CENPH: variants seen among roughly 807,000 people sequenced by gnomAD.
CENPH encodes the protein centromere protein H.
In CENPH, 40 loss-of-function variants were observed where a neutral mutation model predicts 42.9. That is an observed-to-expected ratio of 0.93 (90% CI 0.72 to 1.21). The LOEUF (loss-of-function observed/expected upper bound fraction) is 1.21. Ranked by LOEUF, CENPH falls within the 50% of genes most tolerant of loss-of-function variation. The pLI, the probability that CENPH is intolerant of heterozygous loss-of-function variation, is 0.00. For missense variants in CENPH, 302 were observed against 292.9 expected, an observed-to-expected ratio of 1.03 and a Z score of -0.23; for synonymous variants, 88 against 96.5, an observed-to-expected ratio of 0.91 and a Z score of 0.52.
chr5:69,197,800 A>C (rs1032823483), intron 5 of CENPH, among the ~76,000 whole-genome samples: 4 of 151,396 alleles, frequency 2.6e-5, no homozygotes, highest in Non-Finnish European at 5.9e-5. Context: ...CTTAAAGTAT[A>C]ATAATAATAA....
chr5:69,193,409 G>A (rs970460309), intron 2 of CENPH, among the ~76,000 whole-genome samples: 16 of 151,794 alleles, frequency 1.1e-4, no homozygotes, highest in African/African-American at 3.9e-4. Flanking sequence ...CAAGGCGAGA[G>A]GATTGCTTGA....
intron 5 of CENPH, among the ~76,000 whole-genome samples, chr5:69,198,344 C>T (rs1326702512): frequency 6.6e-6 from 1 of 151,806 alleles, no homozygotes; most frequent in African/African-American, 2.4e-5. Context: ...TGCTCTGTCA[C>T]TCAGACTGGA....
chr5:69,199,482 AG>A (rs1748024008), intron 5 of CENPH, among the ~76,000 whole-genome samples: 3 of 152,118 alleles, frequency 2.0e-5, no homozygotes, highest in Admixed American at 2.0e-4. Context: ...TGCCAAATTA[AG>A]GGTTTATATA....
intron 4 of CENPH, 41 bp from the exon 5 acceptor site, chr5:69,197,012 G>A (rs1484873113): frequency 2.2e-6 from 3 of 1,336,570 alleles, no homozygotes; most frequent in Non-Finnish European, 1.0e-6. Flanking sequence ...TACCACAAAT[G>A]TTATCCATGT....
At chr5:69,203,168 G>GTTTTTTGTTTGCTT (rs1748085214) in intron 7 of CENPH, among the ~76,000 whole-genome samples, 198 bp downstream of exon 7, 1 of 151,824 alleles carries the variant, frequency 6.6e-6, no homozygotes, top group Non-Finnish European at 1.5e-5. Flanking sequence ...CTTTATTTTC[G>GTTTTTTGTTTGCTT]TTTTTTGTTT....
At chr5:69,208,890 G>T (rs527829394) in intron 8 of CENPH, among the ~76,000 whole-genome samples, 4 of 151,962 alleles carry the variant, frequency 2.6e-5, no homozygotes, top group Admixed American at 6.6e-5. Flanking sequence ...CTCCTCCTGG[G>T]TTCAAGCGAT....
rs566732255 is a variant in CENPH, at chr5:69,202,796, T to C, written c.436-123T>C. ...CTGTCTTCCTTTTGCTGTCTGGAAA[T>C]AGAGGAATTGAAAACTGGAACTTTA... On this transcript the variant is annotated intron_variant, in intron 6 of 8. Coordinates refer to ENST00000283006, the MANE Select transcript of CENPH (RefSeq NM_022909.4). 4.5e-6 allele frequency: 3 copies of C among 659,648 alleles called. No homozygotes were observed. The South Asian group carries it at 6.3e-5, about 14-fold the overall frequency. The allele number at this position is 659,648 out of a possible 1,614,324, so 40.9% of individuals were successfully genotyped here.
intron 5 of CENPH, among the ~76,000 whole-genome samples, chr5:69,201,935 G>A (rs1748066240): frequency 6.6e-6 from 1 of 152,168 alleles, no homozygotes; most frequent in Non-Finnish European, 1.5e-5. Context: ...ACAATGATGT[G>A]TCGATATAGG....
chr5:69,207,323 G>C (rs1370730715), intron 7 of CENPH, among the ~76,000 whole-genome samples: 5 of 151,470 alleles, frequency 3.3e-5, no homozygotes, highest in Non-Finnish European at 1.5e-5. Flanking sequence ...TGAGTAGCTG[G>C]GATTATAGGC....
At chr5:69,198,876 A>T (rs1181629040) in intron 5 of CENPH, among the ~76,000 whole-genome samples, 3 of 152,092 alleles carry the variant, frequency 2.0e-5, no homozygotes, top group Non-Finnish European at 4.4e-5. Context: ...CTAGGAGGTC[A>T]TGGGGCTGCA....
intron 7 of CENPH, among the ~76,000 whole-genome samples, chr5:69,205,258 C>CTCTCT (rs111768231): frequency 1.3e-5 from 2 of 150,860 alleles, no homozygotes; most frequent in Non-Finnish European, 3.0e-5. Flanking sequence ...GAAATAGTTT[C>CTCTCT]GCTCTGTTGT....
intron 1 of CENPH, among the ~76,000 whole-genome samples, chr5:69,191,349 A>C (rs528459397): frequency 8.5e-5 from 13 of 152,284 alleles, no homozygotes; most frequent in Admixed American, 2.0e-4. Flanking sequence ...CATCTCTACT[A>C]AAAATACAAA....
intron 8 of CENPH, among the ~76,000 whole-genome samples, chr5:69,208,600 C>A (rs1748198102): frequency 6.6e-6 from 1 of 152,086 alleles, no homozygotes; most frequent in South Asian, 2.1e-4. Flanking sequence ...CTTAGGTGAT[C>A]CGTCTGCCTC....
At chr5:69,208,614 C>A (rs906378618) in intron 8 of CENPH, among the ~76,000 whole-genome samples, 3 of 152,174 alleles carry the variant, frequency 2.0e-5, no homozygotes, top group Non-Finnish European at 2.9e-5. Context: ...CTGCCTCAGC[C>A]TCCCAAAGTG....
intron 6 of CENPH, 44 bp downstream of exon 6, chr5:69,202,613 C>G: frequency 9.3e-7 from 1 of 1,073,566 alleles, no homozygotes; most frequent in East Asian, 2.4e-5. Context: ...CATGATTTTA[C>G]TCTCAACTTC....
chr5:69,192,989 G>T (rs1580223064), intron 2 of CENPH, among the ~76,000 whole-genome samples: 1 of 25,128 alleles, frequency 4.0e-5, no homozygotes, highest in Non-Finnish European at 6.8e-5. Context: ...TCAGCTACTC[G>T]GGGAGGCTGA....
At chr5:69,208,481 C>A in intron 8 of CENPH, 122 bp downstream of exon 8, 1 of 573,936 alleles carries the variant, frequency 1.7e-6, no homozygotes, top group Non-Finnish European at 3.0e-6. Context: ...GTCTCAGCCT[C>A]CTGAGTAGCT....
chr5:69,208,351 G>A lies in CENPH; in HGVS notation c.643G>A (p.Val215Met). The change falls in exon 8 of 9, where the codon GTG becomes ATG. Residue 215 changes from valine to methionine, a missense_variant. Val to Met is a conservative substitution (Grantham distance 21, BLOSUM62 1). Coordinates refer to ENST00000283006, the MANE Select transcript of CENPH (RefSeq NM_022909.4). ...AAAAATTACTACTGTTATTCAACAT[G>A]TGTTCCAGGTAACATTTATATAAAC... ...EIKITTVIQHVFQNLILGSKV... is the reference protein window; with the variant it reads ...EIKITTVIQHMFQNLILGSKV... 6.3e-7 allele frequency: 1 copy of A among 1,584,908 alleles called. No homozygotes were observed. The highest frequency in any genetic ancestry group is 8.6e-7 in the Non-Finnish European group (1 of 1,159,886).
chr5:69,192,105 A>G (rs1452159410), intron 2 of CENPH, among the ~76,000 whole-genome samples: 2 of 152,136 alleles, frequency 1.3e-5, no homozygotes, highest in African/African-American at 2.4e-5. Context: ...CCTGGCCTCA[A>G]ATAAGATTTT....
Sources: gnomAD v4.1 joint callset for allele counts (sites outside exome capture counted in the v4.1 genomes callset) on GRCh38, gnomAD v4.1.1 for gene constraint, MANE v1.5 for transcripts, NCBI Gene and HGNC (gene_info 2026-07-23, HGNC 2026-07-21) for gene names.